Variants in SLC4A10 observed in about 807,000 individuals in gnomAD.
The protein encoded by SLC4A10 is solute carrier family 4 member 10.
SLC4A10 carries 42 observed loss-of-function variants against 137.7 expected under a neutral mutation model. The ratio of observed to expected loss-of-function variants is 0.30; its 90% CI spans 0.24 to 0.39. SLC4A10 has a LOEUF of 0.39. Ranked by LOEUF, SLC4A10 falls within the 10% of genes least tolerant of loss-of-function variation. The pLI, the probability that SLC4A10 is intolerant of heterozygous loss-of-function variation, is 1.00. For synonymous variants in SLC4A10, 474 were observed against 464.1 expected (o/e 1.02, Z -0.27); for missense variants, 925 against 1,355.0 (o/e 0.68, Z 4.98).
intron 1 of SLC4A10, among the ~76,000 whole-genome samples, chr2:161,702,362 T>A (rs1035612653): frequency 6.6e-6 from 1 of 151,916 alleles, no homozygotes; most frequent in Non-Finnish European, 1.5e-5. Flanking sequence ...TTTCAATGGA[T>A]TTTTTAAACA....
chr2:161,946,992 T>G (rs1693934333), intron 16 of SLC4A10, among the ~76,000 whole-genome samples: 1 of 152,122 alleles, frequency 6.6e-6, no homozygotes, highest in African/African-American at 2.4e-5. Context: ...TACAAAGTCA[T>G]TGTTCTTAGT....
In SLC4A10 at chr2:161,765,393, G is replaced by A. The variant is rs145286554; in HGVS notation, c.49-5580G>A. ...AAGCCAAGATAGGCGGATCACCTGA[G>A]GTCAGGAGTTCAAGACCAGGTTGGC... On this transcript the variant is annotated intron_variant, in intron 1 of 26. Transcript: ENST00000446997. 1.5e-3 allele frequency among the ~76,000 whole-genome samples: 221 copies of A among 152,142 alleles called. 1 individual carries two copies. Among genetic ancestry groups the A allele is most frequent in the African/African-American group, 5.0e-3 (208 of 41,520 alleles).
intron 6 of SLC4A10, among the ~76,000 whole-genome samples, chr2:161,864,159 G>A (rs894074550): frequency 2.0e-5 from 3 of 151,720 alleles, no homozygotes; most frequent in Admixed American, 2.0e-4. Flanking sequence ...CCGAGATCGC[G>A]CCACTGCACT....
At chr2:161,739,602 A>G (rs2047674951) in intron 1 of SLC4A10, among the ~76,000 whole-genome samples, 1 of 152,168 alleles carries the variant, frequency 6.6e-6, no homozygotes, top group African/African-American at 2.4e-5. Context: ...GACTACTCCT[A>G]TCAAGATCCA....
At chr2:161,960,730 A>G (rs1335183353) in intron 21 of SLC4A10, among the ~76,000 whole-genome samples, 5 of 121,464 alleles carry the variant, frequency 4.1e-5, no homozygotes, top group Admixed American at 2.3e-4. Flanking sequence ...AAAAAAAAAG[A>G]AAAAAAAAAA....
At chr2:161,914,887 AG>A (rs1341169265) in intron 15 of SLC4A10, among the ~76,000 whole-genome samples, 4 of 152,200 alleles carry the variant, frequency 2.6e-5, no homozygotes, top group African/African-American at 9.6e-5. Context: ...GAGAAATTCT[AG>A]GCAGACAGGG....
chr2:161,949,266 T>G lies in SLC4A10; in HGVS notation c.2379+5T>G, dbSNP rs763053051. The G allele has an allele frequency of 1.9e-6, 3 of 1,555,206 alleles. No homozygotes were observed. The highest frequency in any genetic ancestry group is 4.5e-5 in the East Asian group (2 of 44,374). On this transcript the variant is annotated splice_donor_5th_base_variant and intron_variant, in intron 18 of 26. Coordinates refer to ENST00000446997, the MANE Select transcript of SLC4A10 (RefSeq NM_001178015.2). ...CAAGTACCAAGTGTTTTCAAGGTAC[T>G]TACTATCTCTCTCCCTCTTCCCATC...
At chr2:161,972,577 A>G (rs1345255439) in intron 23 of SLC4A10, among the ~76,000 whole-genome samples, 1 of 152,348 alleles carries the variant, frequency 6.6e-6, no homozygotes, top group East Asian at 1.9e-4. Context: ...GATAGGCCCT[A>G]AAAGAAAATT....
chr2:161,631,662 C>T (rs1223009571), intron 1 of SLC4A10, among the ~76,000 whole-genome samples: 1 of 151,588 alleles, frequency 6.6e-6, no homozygotes, highest in East Asian at 1.9e-4. Flanking sequence ...TATTTAATTT[C>T]TTATGGCAAT....
chr2:161,899,241 T>C (rs1347188813), intron 11 of SLC4A10, among the ~76,000 whole-genome samples: 2 of 152,106 alleles, frequency 1.3e-5, no homozygotes, highest in Admixed American at 1.3e-4. Context: ...TTTATCACTT[T>C]TATTAGCATA....
intron 15 of SLC4A10, among the ~76,000 whole-genome samples, chr2:161,907,794 T>C (rs535470069): frequency 1.3e-5 from 2 of 152,334 alleles, no homozygotes; most frequent in East Asian, 3.9e-4. Context: ...TGAAGTTATA[T>C]AGATAGTGGT....
intron 10 of SLC4A10, among the ~76,000 whole-genome samples, chr2:161,886,831 G>A (rs536909901): frequency 2.5e-4 from 38 of 151,914 alleles, no homozygotes; most frequent in Non-Finnish European, 4.9e-4. Flanking sequence ...TGGAATACAT[G>A]TGCAGAACGT....
At chr2:161,635,248 T>A (rs2034222840) in intron 1 of SLC4A10, among the ~76,000 whole-genome samples, 1 of 152,012 alleles carries the variant, frequency 6.6e-6, no homozygotes, top group African/African-American at 2.4e-5. Context: ...AATTTCTCAT[T>A]GAAACTCCCT....
chr2:161,903,258 G>A (rs76086380), intron 12 of SLC4A10, among the ~76,000 whole-genome samples: 4,109 of 152,246 alleles, frequency 0.027, 94 homozygotes, highest in Middle Eastern at 0.088. Flanking sequence ...TTTATACCAA[G>A]TAAGGTCACT....
At chr2:161,921,318 C>A (rs1401495686) in intron 15 of SLC4A10, among the ~76,000 whole-genome samples, 2 of 151,966 alleles carry the variant, frequency 1.3e-5, no homozygotes, top group Non-Finnish European at 2.9e-5. Context: ...CTCTGGGGAC[C>A]AATTGGCAGA....
chr2:161,984,515 G>C lies in SLC4A10; in HGVS notation c.*1363G>C, dbSNP rs1166120058. 2 of 152,048 alleles carry C rather than the reference G, an allele frequency of 1.3e-5. No homozygotes were observed. Among genetic ancestry groups the C allele is most frequent in the African/African-American group, 4.8e-5 (2 of 41,406 alleles). 9.4% of individuals were successfully genotyped at this position (152,048 alleles called of 1,614,324 possible). Reference sequence around the variant, plus strand: ...TTTTATAATAATTCAGAGCCCTGTGGCTTTTACACACCGTTAATTATGTAC... The same window carrying C: ...TTTTATAATAATTCAGAGCCCTGTGCCTTTTACACACCGTTAATTATGTAC... On this transcript the variant is annotated 3_prime_UTR_variant, in exon 27 of 27. Coordinates refer to ENST00000446997, the MANE Select transcript of SLC4A10 (RefSeq NM_001178015.2).
In SLC4A10 at chr2:161,725,382, A is replaced by T. The variant is rs149340375; in HGVS notation, c.49-45591A>T. Among the ~76,000 whole-genome samples, 65 of 152,318 alleles carry T rather than the reference A, an allele frequency of 4.3e-4. 1 individual carries two copies. The highest frequency in any genetic ancestry group is 1.5e-3 in the African/African-American group (62 of 41,578). On this transcript the variant is annotated intron_variant, in intron 1 of 26. Transcript: ENST00000446997. The stretch of plus-strand genomic sequence containing the variant: ...ATTTTTAAGGAGATAATGTATGCAA[A>T]GTTTTAGCATTGTTTCTGGCACATT...
intron 26 of SLC4A10, 75 bp downstream of exon 26, chr2:161,977,835 C>A: frequency 7.1e-7 from 1 of 1,412,232 alleles, no homozygotes; most frequent in Non-Finnish European, 9.6e-7. Flanking sequence ...GAAACCTGGT[C>A]AGTCTATGTC....
At chr2:161,867,770 T>C (rs1025522738) in intron 6 of SLC4A10, among the ~76,000 whole-genome samples, 3 of 152,002 alleles carry the variant, frequency 2.0e-5, no homozygotes, top group Non-Finnish European at 4.4e-5. Flanking sequence ...TCTTTCTTCA[T>C]GTTTTCTATT....
Sources: allele counts gnomAD v4.1 joint callset (sites outside exome capture counted in the v4.1 genomes callset), GRCh38; gene constraint gnomAD v4.1.1; transcripts MANE v1.5; gene names NCBI Gene and HGNC (gene_info 2026-07-23, HGNC 2026-07-21).